Variants in ARHGAP27 observed in about 807,000 individuals in gnomAD.
The protein encoded by ARHGAP27 is Rho GTPase activating protein 27.
In ARHGAP27, 53 loss-of-function variants were observed where a neutral mutation model predicts 102.0. The ratio of observed to expected loss-of-function variants is 0.52; its 90% CI spans 0.42 to 0.65. ARHGAP27 has a LOEUF of 0.65. Ranked by LOEUF, ARHGAP27 falls within the 30% of genes least tolerant of loss-of-function variation. ARHGAP27 has a pLI of 0.00. For missense variants in ARHGAP27, 1,117 were observed against 1,256.2 expected (o/e 0.89, Z 1.68); for synonymous variants, 525 against 542.8 (o/e 0.97, Z 0.46).
chr17:45,413,477 G>A (rs997599063), intron 4 of ARHGAP27, among the ~76,000 whole-genome samples: 14 of 152,154 alleles, frequency 9.2e-5, no homozygotes, highest in Admixed American at 5.9e-4. Context: ...CTGGGCCTCA[G>A]TTTCTTCATG....
intron 5 of ARHGAP27, among the ~76,000 whole-genome samples, chr17:45,405,435 G>T (rs1488111989): frequency 6.6e-6 from 1 of 151,200 alleles, no homozygotes; most frequent in Non-Finnish European, 1.5e-5. Flanking sequence ...TGGTCCTTAG[G>T]TCTGTGGGAG....
At chr17:45,408,954 A>G (rs2047559897) in intron 4 of ARHGAP27, 1 of 152,302 alleles carries the variant, frequency 6.6e-6, no homozygotes, top group South Asian at 2.1e-4. Flanking sequence ...AGCTGGGCCA[A>G]TGCCCTGAAG....
At chr17:45,396,426 C>T (rs1405337561) in intron 16 of ARHGAP27, 61 bp downstream of exon 16, 3 of 1,475,288 alleles carry the variant, frequency 2.0e-6, no homozygotes, top group Admixed American at 2.3e-5. Context: ...AGCCTGCGGT[C>T]CTGGCAGGAG....
At chr17:45,416,529 G>A (rs1408846904) in intron 4 of ARHGAP27, among the ~76,000 whole-genome samples, 1 of 149,750 alleles carries the variant, frequency 6.7e-6, no homozygotes, top group Admixed American at 6.7e-5. Context: ...GTTAAATCTA[G>A]GCAATAAGTA....
intron 4 of ARHGAP27, among the ~76,000 whole-genome samples, chr17:45,420,301 TTTTG>T (rs2048903694): frequency 2.2e-5 from 1 of 45,820 alleles, no homozygotes; most frequent in Non-Finnish European, 6.5e-5. Flanking sequence ...AAGGTTTTTG[TTTTG>T]TTTTGTTTTG....
chr17:45,397,943 G>A lies in ARHGAP27; in HGVS notation c.1842+6C>T. On this transcript the variant is annotated splice_donor_region_variant and intron_variant, in intron 13 of 19. Transcript: ENST00000685559. Reference sequence around the variant, plus strand: ...ACTGCCCCTAGAGGCCCTGGGCTCTGCTTACCAGCTCCTGGATGCCCTGAG... The same window carrying A: ...ACTGCCCCTAGAGGCCCTGGGCTCTACTTACCAGCTCCTGGATGCCCTGAG... The A allele has an allele frequency of 6.2e-7, 1 of 1,602,534 alleles. No homozygotes were observed. The highest frequency in any genetic ancestry group is 8.5e-7 in the Non-Finnish European group (1 of 1,171,812).
Position 45,405,744 on chromosome 17 carries a change from C to T in ARHGAP27, c.997G>A (p.Glu333Lys). The change falls in exon 5 of 20, where the codon GAG becomes AAG. Residue 333 changes from glutamate (E) to lysine (K), a missense_variant. Around this residue, in one of 3 missense-constraint regions of ARHGAP27, gnomAD observed 610 missense variants for 716.4 expected, o/e 0.85. Coordinates refer to ENST00000685559, the MANE Select transcript of ARHGAP27 (RefSeq NM_001282290.2). ...TCCAACTCCTCCTCGGGCTCGTTCTCGGCCTCGTCCTCCCAGGCCGTCTCG... is the reference window on the plus strand; with the variant it reads ...TCCAACTCCTCCTCGGGCTCGTTCTTGGCCTCGTCCTCCCAGGCCGTCTCG... ...TGETAWEDEA[E>K]NEPEEELEMQ... 3 of 1,600,744 alleles carry T rather than the reference C, an allele frequency of 1.9e-6. No individual in the cohort carries two copies. Among genetic ancestry groups the T allele is most frequent in the Non-Finnish European group, 8.5e-7 (1 of 1,179,260 alleles).
intron 4 of ARHGAP27, among the ~76,000 whole-genome samples, chr17:45,426,232 C>G (rs1409486387): frequency 1.3e-5 from 2 of 152,132 alleles, no homozygotes; most frequent in East Asian, 1.9e-4. Context: ...CTAAACCTCT[C>G]TGAACCTCTG....
chr17:45,411,051 G>A (rs955713128), intron 4 of ARHGAP27, among the ~76,000 whole-genome samples: 13 of 152,086 alleles, frequency 8.5e-5, no homozygotes, highest in Admixed American at 2.6e-4. Flanking sequence ...TCTCACTTGC[G>A]TGTCCACATA....
chr17:45,416,622 C>A (rs1174705172), intron 4 of ARHGAP27, among the ~76,000 whole-genome samples: 1 of 151,272 alleles, frequency 6.6e-6, no homozygotes, highest in Non-Finnish European at 1.5e-5. Context: ...AATCTTGACT[C>A]ACTGCAACCT....
In ARHGAP27 at chr17:45,429,640, C is replaced by A; in HGVS notation, c.640G>T (p.Glu214Ter). 6.3e-7 allele frequency: 1 copy of A among 1,583,692 alleles called. No homozygotes were observed. Among genetic ancestry groups the A allele is most frequent in the Non-Finnish European group, 8.6e-7 (1 of 1,164,848 alleles). The change falls in exon 4 of 20, where the codon GAG becomes TAG. Residue 214 changes from glutamate (E) to a stop codon, truncating the protein, a stop_gained. Coordinates refer to ENST00000685559, the MANE Select transcript of ARHGAP27 (RefSeq NM_001282290.2). LOFTEE classifies it high-confidence loss of function. The part of the protein sequence containing the change: ...VIQDLHVPPP[E>*]ESAEQVDDPP... ...GGAGGTACCTGCTCTGCGCTCTCCT[C>A]CGGCGGCGGGACGTGCAAGTCCTGG... is the stretch of plus-strand genomic sequence containing the variant.
At chr17:45,402,877 ACT>A in intron 11 of ARHGAP27, 59 bp from the exon 12 acceptor site, 1 of 1,421,016 alleles carries the variant, frequency 7.0e-7, no homozygotes. Flanking sequence ...CTGCTGTGGC[ACT>A]CTGACCCTAG....
chr17:45,425,247 G>C (rs746742144), intron 4 of ARHGAP27, among the ~76,000 whole-genome samples: 1 of 152,016 alleles, frequency 6.6e-6, no homozygotes, highest in Admixed American at 6.5e-5. Context: ...GGGGGGTGCC[G>C]GAGGAGGGAG....
At chr17:45,424,780 G>A (rs1597865350) in intron 4 of ARHGAP27, among the ~76,000 whole-genome samples, 2 of 152,254 alleles carry the variant, frequency 1.3e-5, no homozygotes, top group Non-Finnish European at 1.5e-5. Flanking sequence ...ACTTATTCAC[G>A]TAACCAAACA....
chr17:45,406,514 T>A (rs1011381333), intron 4 of ARHGAP27, among the ~76,000 whole-genome samples: 1 of 152,222 alleles, frequency 6.6e-6, no homozygotes, highest in African/African-American at 2.4e-5. Context: ...TCAATTACAT[T>A]AATTATATTT....
intron 12 of ARHGAP27, 25 bp from the exon 13 acceptor site, chr17:45,398,072 C>T (rs1384276046): frequency 1.9e-6 from 3 of 1,581,254 alleles, no homozygotes; most frequent in East Asian, 2.3e-5. Flanking sequence ...GTCAGTGGGT[C>T]ATCTCTGGTA....
rs1219870805 is a variant in ARHGAP27, at chr17:45,431,229, C to T, written c.-19+392G>A. Among the ~76,000 whole-genome samples the T allele has an allele frequency of 2.0e-5, 3 of 152,354 alleles. 1 individual carries two copies. In the East Asian group the frequency reaches 5.8e-4, roughly 29 times the overall value. On this transcript the variant is annotated intron_variant, in intron 3 of 19. Transcript: ENST00000685559. Reference sequence around the variant, plus strand: ...GTGGTGGTCATAAGCCCCGCTCCCGCCCGGGCTTCGGGGTGTCAGGGATGG... The same window carrying T: ...GTGGTGGTCATAAGCCCCGCTCCCGTCCGGGCTTCGGGGTGTCAGGGATGG...
At chr17:45,404,005 G>T in intron 10 of ARHGAP27, 24 bp downstream of exon 10, 3 of 1,613,130 alleles carry the variant, frequency 1.9e-6, no homozygotes, top group Non-Finnish European at 2.5e-6. Context: ...CCCTGCCCCG[G>T]CCTGAGTGTA....
chr17:45,399,335 G>A (rs1451898760), intron 12 of ARHGAP27, among the ~76,000 whole-genome samples: 1 of 152,130 alleles, frequency 6.6e-6, no homozygotes, highest in Non-Finnish European at 1.5e-5. Flanking sequence ...GCTCATGCCT[G>A]TAATCCCAGC....
Sources: allele counts gnomAD v4.1 joint callset (sites outside exome capture counted in the v4.1 genomes callset), GRCh38; gene constraint gnomAD v4.1.1; regional missense constraint gnomAD v4.1.1; transcripts MANE v1.5; gene names NCBI Gene and HGNC (gene_info 2026-07-23, HGNC 2026-07-21).